The following DLEC1 variants were observed in gnomAD, a reference collection of about 807,000 sequenced individuals.
The protein encoded by DLEC1 is deleted in lung and esophageal cancer protein 1.
In DLEC1, 146 loss-of-function variants were observed where a neutral mutation model predicts 198.1. That is an observed-to-expected ratio of 0.74 (90% confidence interval 0.64 to 0.85). The LOEUF (loss-of-function observed/expected upper bound fraction) is 0.85, where lower values mean the gene tolerates loss of function less well. Ranked by LOEUF, DLEC1 falls within the 40% of genes least tolerant of loss-of-function variation. The probability of loss-of-function intolerance (pLI) is 0.00; values close to 1 mark genes in which losing one functional copy is unlikely to be tolerated. For synonymous variants in DLEC1, 897 were observed against 866.8 expected, an observed-to-expected ratio of 1.03 and a Z score of -0.61; for missense variants, 2,233 against 2,220.0, an observed-to-expected ratio of 1.01 and a Z score of -0.12.
rs376672626 is a variant in DLEC1, at chr3:38,112,392, G to T, written c.3666+31G>T. On this transcript the variant is annotated intron_variant, in intron 25 of 36. Coordinates refer to ENST00000308059, the MANE Select transcript of DLEC1 (RefSeq NM_007335.4). The surrounding 1 kb of genome is among the most constrained non-coding windows in gnomAD (Gnocchi z 4.8). ...GGTACACAAGAGGGCAGTGGCCTGG[G>T]GGGTGGAGAGTCTGCCCAGCCCTCG... The T allele has an allele frequency of 1.1e-5, 17 of 1,607,980 alleles. No homozygotes were observed. Among genetic ancestry groups the T allele is most frequent in the East Asian group, 6.7e-5 (3 of 44,742 alleles).
intron 22 of DLEC1, 54 bp downstream of exon 22, chr3:38,109,616 C>T (rs1279251435): frequency 1.9e-6 from 3 of 1,610,294 alleles, no homozygotes; most frequent in Non-Finnish European, 1.7e-6. Context: ...AATGAGGCAG[C>T]CGCGCCCAGG....
intron 6 of DLEC1, among the ~76,000 whole-genome samples, chr3:38,069,735 T>C (rs925395814): frequency 6.6e-6 from 1 of 152,242 alleles, no homozygotes; most frequent in Non-Finnish European, 1.5e-5. Context: ...CTCATTTCAG[T>C]TGACCACTAG....
rs755307413 is a variant in DLEC1 at position 38,085,356 on chromosome 3, G to A, written c.1344G>A (p.Gly448=). ...YIVQFFPDCL[G]DFDDFILVET... is the part of the protein sequence containing the mutation. ...TCCAGTTTTTTCCCGACTGCCTTGG[G>A]GATTTTGATGATTTTATTTTAGTGG... The change falls in exon 8 of 37, where the codon GGG becomes GGA. Residue 448 remains glycine, a synonymous_variant. Transcript: ENST00000308059. 19 of 1,614,120 alleles carry A rather than the reference G, an allele frequency of 1.2e-5. No homozygotes were observed. Among genetic ancestry groups the A allele is most frequent in the East Asian group, 6.7e-5 (3 of 44,882 alleles).
intron 2 of DLEC1, among the ~76,000 whole-genome samples, chr3:38,055,590 G>A (rs1488601220): frequency 6.6e-6 from 1 of 152,116 alleles, no homozygotes; most frequent in East Asian, 1.9e-4. Context: ...AGGAAACTCA[G>A]GAGAGTGAGA....
intron 34 of DLEC1, 37 bp downstream of exon 34, chr3:38,120,646 G>T (rs763299212): frequency 1.2e-6 from 2 of 1,611,014 alleles, no homozygotes; most frequent in Admixed American, 3.3e-5. Flanking sequence ...GAGGAGGGTG[G>T]AAGTGGGCTG....
chr3:38,066,979 G>A (rs1308092705), intron 6 of DLEC1, among the ~76,000 whole-genome samples: 1 of 152,202 alleles, frequency 6.6e-6, no homozygotes, highest in Non-Finnish European at 1.5e-5. Flanking sequence ...TGTCAGTTAG[G>A]GAATAGAATA....
chr3:38,043,390 G>A (rs1457983165), intron 1 of DLEC1, among the ~76,000 whole-genome samples: 3 of 152,178 alleles, frequency 2.0e-5, no homozygotes, highest in African/African-American at 7.2e-5. Flanking sequence ...CCTACATCCA[G>A]AAATTAGGGT....
rs1357241063 is a variant in DLEC1, at chr3:38,108,480, T to G, written c.3094T>G (p.Cys1032Gly). 3.7e-6 allele frequency: 6 copies of G among 1,613,948 alleles called. No homozygotes were observed. Among genetic ancestry groups the G allele is most frequent in the Non-Finnish European group, 5.1e-6 (6 of 1,179,996 alleles). The change falls in exon 21 of 37, where the codon TGC (cysteine) becomes GGC (glycine). Residue 1032 changes from cysteine to glycine, a missense_variant. Cys to Gly is a radical substitution (Grantham distance 159, BLOSUM62 -3). Coordinates refer to ENST00000308059, the MANE Select transcript of DLEC1 (RefSeq NM_007335.4). ...TGGCCTGCTGGGCCCAAGTGAGGAGTGCCAGCTCAAGTTGGAGTTGACTGC... is the reference window on the plus strand; with the variant it reads ...TGGCCTGCTGGGCCCAAGTGAGGAGGGCCAGCTCAAGTTGGAGTTGACTGC... ...KHGLLGPSEE[C>G]QLKLELTAHT... is the part of the protein sequence containing the mutation.
chr3:38,059,760 G>C lies in DLEC1; in HGVS notation c.581G>C (p.Trp194Ser), dbSNP rs1251868857. The change falls in exon 3 of 37, where the codon TGG becomes TCG. Residue 194 changes from tryptophan (W) to serine (S), a missense_variant. Coordinates refer to ENST00000308059, the MANE Select transcript of DLEC1 (RefSeq NM_007335.4). The stretch of plus-strand genomic sequence containing the variant: ...TATGAAGTGAAGAGTGTCTCCAGAT[G>C]GTGTATAGACAGCGAGTTGCTACGG... ...RLPPVKSVSR[W>S]CIDSELLRKH... 3 of 1,614,038 alleles carry C rather than the reference G, an allele frequency of 1.9e-6. No homozygotes were observed. Among genetic ancestry groups the C allele is most frequent in the South Asian group, 2.2e-5 (2 of 91,076 alleles).
intron 1 of DLEC1, among the ~76,000 whole-genome samples, chr3:38,041,222 T>C (rs1195808935): frequency 6.6e-6 from 1 of 152,088 alleles, no homozygotes; most frequent in Non-Finnish European, 1.5e-5. Flanking sequence ...CAGGATGGTC[T>C]CGATCTCCTG....
At chr3:38,116,422 T>C (rs753911156) in intron 27 of DLEC1, 31 bp from the exon 28 acceptor site, 8 of 1,612,866 alleles carry the variant, frequency 5.0e-6, no homozygotes, top group Non-Finnish European at 6.8e-6. Context: ...TCCTCCCTTA[T>C]TCCTCACCCT....
chr3:38,104,696 C>A (rs531531097), intron 19 of DLEC1, among the ~76,000 whole-genome samples: 10 of 152,306 alleles, frequency 6.6e-5, no homozygotes, highest in African/African-American at 2.4e-4. Flanking sequence ...TCAGTCTAGT[C>A]TAGCTAAAGG....
rs1306787368 is a variant in DLEC1, at chr3:38,039,642, G to C, written c.411+6G>C. 1.9e-6 allele frequency: 3 copies of C among 1,590,298 alleles called. No homozygotes were observed. The highest frequency in any genetic ancestry group is 4.5e-5 in the East Asian group (2 of 44,300). The stretch of plus-strand genomic sequence containing the variant: ...TCGTGGACCAGCTGCAGCAGGTAAC[G>C]TGGCGGTGGCGTCGCGTCTGCGGAC... On this transcript the variant is annotated splice_donor_region_variant and intron_variant, in intron 1 of 36. Transcript: ENST00000308059.
intron 2 of DLEC1, among the ~76,000 whole-genome samples, chr3:38,052,913 C>T (rs944939288): frequency 2.0e-5 from 3 of 152,234 alleles, no homozygotes; most frequent in African/African-American, 7.2e-5. Flanking sequence ...CCTCAGCCTG[C>T]CGAGTGCCTG....
intron 12 of DLEC1, 139 bp from the exon 13 acceptor site, chr3:38,094,740 G>C: frequency 2.2e-6 from 2 of 927,754 alleles, no homozygotes; most frequent in East Asian, 5.1e-5. Flanking sequence ...TCCATTGGAA[G>C]GGTGTGAAGG....
chr3:38,063,673 T>G (rs1463653142), intron 5 of DLEC1, among the ~76,000 whole-genome samples, 168 bp from the exon 6 acceptor site: 1 of 152,238 alleles, frequency 6.6e-6, no homozygotes, highest in African/African-American at 2.4e-5. Flanking sequence ...AAAATTATTT[T>G]ATAACCTGCA....
intron 1 of DLEC1, among the ~76,000 whole-genome samples, chr3:38,042,552 CTTTTTT>C (rs71635860): frequency 9.5e-6 from 1 of 104,762 alleles, no homozygotes; most frequent in Non-Finnish European, 1.8e-5. Context: ...ATGTTGCTGG[CTTTTTT>C]TTTTTTTTTT....
Position 38,059,780 on chromosome 3 carries a change from C to T in DLEC1, c.601C>T (p.Leu201=). 1 of 1,614,120 alleles carries T rather than the reference C, an allele frequency of 6.2e-7. No homozygotes were observed. Among genetic ancestry groups the T allele is most frequent in the Admixed American group, 1.7e-5 (1 of 60,016 alleles). ...VSRWCIDSEL[L]RKHHLISPED... The stretch of plus-strand genomic sequence containing the variant: ...CAGATGGTGTATAGACAGCGAGTTG[C>T]TACGGAAACATCATTTGATCTCCCC... Residue 201 remains leucine (L), a synonymous_variant, in exon 3 of 37, where the codon CTA becomes TTA. Coordinates refer to ENST00000308059, the MANE Select transcript of DLEC1 (RefSeq NM_007335.4).
At chr3:38,120,224 TC>T (rs1325276956) in intron 33 of DLEC1, among the ~76,000 whole-genome samples, 1 of 152,218 alleles carries the variant, frequency 6.6e-6, no homozygotes, top group Non-Finnish European at 1.5e-5. Context: ...CCTTCTAGCC[TC>T]TGACCTCTGA....
Sources: gnomAD v4.1 joint callset for allele counts (sites outside exome capture counted in the v4.1 genomes callset) on GRCh38, gnomAD v4.1.1 for gene constraint, Gnocchi (gnomAD v3.1) non-coding constraint, MANE v1.5 for transcripts, NCBI Gene and HGNC (gene_info 2026-07-23, HGNC 2026-07-21) for gene names.